The following CBX6 variants were observed in gnomAD, a reference collection of about 807,000 sequenced individuals.
The protein encoded by CBX6 is chromobox protein homolog 6.
CBX6 carries 7 observed loss-of-function variants against 28.4 expected under a neutral mutation model. The ratio of observed to expected loss-of-function variants is 0.25; its 90% CI spans 0.14 to 0.46. CBX6 has a LOEUF of 0.46. CBX6 is among the 20% of genes least tolerant of loss of function. The pLI, the probability that CBX6 is intolerant of heterozygous loss-of-function variation, is 0.99. For missense variants in CBX6, 512 were observed against 606.1 expected (o/e 0.84, Z 1.63); for synonymous variants, 297 against 273.4 (o/e 1.09, Z -0.85).
Position 38,866,187 on chromosome 22 carries a change from C to T in CBX6, c.*22G>A, listed in dbSNP as rs1004465580. On this transcript the variant is annotated 3_prime_UTR_variant, in exon 5 of 5. Transcript: ENST00000407418. This position sits in a 1 kb window ranked among gnomAD's most constrained non-coding sequence, Gnocchi z 7.5. ...TTCGGGCAGGAGGGCCCCCCCAAGC[C>T]CCCCTCCTTGGTGGAGCCCCCTCAC... 1.3e-6 allele frequency: 2 copies of T among 1,534,952 alleles called. No homozygotes were observed. Among genetic ancestry groups the T allele is most frequent in the Non-Finnish European group, 1.8e-6 (2 of 1,124,074 alleles).
In CBX6 at chr22:38,866,543, G is replaced by A; in HGVS notation, c.905C>T (p.Pro302Leu). The part of the protein sequence containing the change: ...PPKLLPETVS[P>L]SAPSWREPEV... ...CGGCTCGCGCCAGCTGGGGGCGGAT[G>A]GGCTCACGGTCTCGGGGAGGAGCTT... The change falls in exon 5 of 5, where the codon CCA (proline) becomes CTA (leucine). Residue 302 changes from proline to leucine, a missense_variant. Around this residue, in one of 7 missense-constraint regions of CBX6, gnomAD observed 290 missense variants for 274.1 expected, o/e 1.06. Coordinates refer to ENST00000407418, the MANE Select transcript of CBX6 (RefSeq NM_014292.5). The surrounding 1 kb of genome is among the most constrained non-coding windows in gnomAD (Gnocchi z 7.5). 6.3e-7 allele frequency: 1 copy of A among 1,580,176 alleles called. No homozygotes were observed. Among genetic ancestry groups the A allele is most frequent in the South Asian group, 1.1e-5 (1 of 89,144 alleles).
At position 38,866,088 on chromosome 22, in the gene CBX6, C is replaced by G; in HGVS notation, c.*121G>C. 2 of 811,268 alleles carry G rather than the reference C, an allele frequency of 2.5e-6. No homozygotes were observed. Among genetic ancestry groups the G allele is most frequent in the Non-Finnish European group, 3.8e-6 (2 of 525,382 alleles). 50.3% of individuals were successfully genotyped at this position (811,268 alleles called of 1,614,324 possible). On this transcript the variant is annotated 3_prime_UTR_variant, in exon 5 of 5. Transcript: ENST00000407418. The surrounding 1 kb of genome is among the most constrained non-coding windows in gnomAD (Gnocchi z 7.5). ...CCCAGCCCCATCCCTGGGTCAACAC[C>G]GAGCCATTTGAGACAAGCAAAGCAC...
intron 4 of CBX6, chr22:38,869,623 G>A (rs1337255925): frequency 6.6e-6 from 1 of 152,138 alleles, no homozygotes; most frequent in Non-Finnish European, 1.5e-5. Flanking sequence ...TTTGAAAGTG[G>A]GACCTGGGTC....
rs1281357169 is a variant in CBX6 at position 38,866,341 on chromosome 22, G to A, written c.1107C>T (p.Val369=). Residue 369 remains valine (V), a synonymous_variant, in exon 5 of 5, where the codon GTC becomes GTT. Coordinates refer to ENST00000407418, the MANE Select transcript of CBX6 (RefSeq NM_014292.5). The surrounding 1 kb of genome is among the most constrained non-coding windows in gnomAD (Gnocchi z 7.5). ...RPEMSPCSNV[V]VTDVTSNLLT... is the part of the protein sequence containing the mutation. ...GGAGGTTGCTGGTGACATCGGTGAC[G>A]ACCACATTGGAGCAGGGTGACATCT... The A allele has an allele frequency of 3.1e-6, 5 of 1,613,780 alleles. No individual in the cohort carries two copies. In the African/African-American group the frequency reaches 4.0e-5, roughly 13 times the overall value.
Position 38,867,004 on chromosome 22 carries a change from C to T in CBX6, c.444G>A (p.Pro148=), listed in dbSNP as rs1351422537. The T allele has an allele frequency of 6.2e-7, 1 of 1,606,492 alleles. No homozygotes were observed. The highest frequency in any genetic ancestry group is 8.5e-7 in the Non-Finnish European group (1 of 1,177,760). The part of the protein sequence containing the change: ...DPQGGSPGLR[P]PISPFSETVR... ...CCGTCTCCGAGAAGGGCGAAATGGG[C>T]GGGCGCAGTCCGGGGCTGCCCCCCT... Residue 148 remains proline (P), a synonymous_variant, in exon 5 of 5, where the codon CCG becomes CCA. Transcript: ENST00000407418.
chr22:38,869,090 A>G (rs762861951), intron 4 of CBX6, among the ~76,000 whole-genome samples: 35 of 152,210 alleles, frequency 2.3e-4, no homozygotes, highest in Non-Finnish European at 7.4e-5. Flanking sequence ...CCCAGCTCCC[A>G]GGGATTGGGC....
chr22:38,866,787 G>A lies in CBX6; in HGVS notation c.661C>T (p.Arg221Cys). 6.2e-7 allele frequency: 1 copy of A among 1,612,572 alleles called. No homozygotes were observed. The highest frequency in any genetic ancestry group is 8.5e-7 in the Non-Finnish European group (1 of 1,179,438). The part of the protein sequence containing the change: ...KSKKFSESVL[R>C]TQIRHMKFGA... Reference sequence around the variant, plus strand: ...AACTTCATGTGGCGGATCTGTGTACGCAGGACGCTCTCGCTGAACTTCTTG... The same window carrying A: ...AACTTCATGTGGCGGATCTGTGTACACAGGACGCTCTCGCTGAACTTCTTG... The change falls in exon 5 of 5, where the codon CGT (arginine) becomes TGT (cysteine). Residue 221 changes from arginine to cysteine, a missense_variant. Physicochemically the swap from Arg to Cys is radical, Grantham distance 180. This residue lies in a region of CBX6 where 290 missense variants were observed against 274.1 expected (regional missense o/e 1.06). Transcript: ENST00000407418. This position sits in a 1 kb window ranked among gnomAD's most constrained non-coding sequence, Gnocchi z 7.5.
Position 38,861,512 on chromosome 22 carries a change from C to G in CBX6, c.*4697G>C, listed in dbSNP as rs1054775535. 1 of 152,220 alleles carries G rather than the reference C, an allele frequency of 6.6e-6. No individual in the cohort carries two copies. The allele number at this position is 152,220 out of a possible 1,614,324, so 9.4% of individuals were successfully genotyped here. On this transcript the variant is annotated 3_prime_UTR_variant, in exon 5 of 5. Coordinates refer to ENST00000407418, the MANE Select transcript of CBX6 (RefSeq NM_014292.5). ...TTTGGGGGGTAAAAGAGGCTTTTCA[C>G]CCCCCTTTCCTGGCGTTGATACAAT... is the stretch of plus-strand genomic sequence containing the variant.
At position 38,866,169 on chromosome 22, in the gene CBX6, A is replaced by G. The variant is rs1185766050; in HGVS notation, c.*40T>C. 7.0e-7 allele frequency: 1 copy of G among 1,418,800 alleles called. No homozygotes were observed. The highest frequency in any genetic ancestry group is 9.7e-7 in the Non-Finnish European group (1 of 1,030,270). The allele number at this position is 1,418,800 out of a possible 1,614,324, so 87.9% of individuals were successfully genotyped here. The stretch of plus-strand genomic sequence containing the variant: ...TGGGAGCAAGAGTATGACTTCGGGC[A>G]GGAGGGCCCCCCCAAGCCCCCCTCC... On this transcript the variant is annotated 3_prime_UTR_variant, in exon 5 of 5. Transcript: ENST00000407418. This position sits in a 1 kb window ranked among gnomAD's most constrained non-coding sequence, Gnocchi z 7.5.
chr22:38,871,760 G>A lies in CBX6; in HGVS notation c.114-3C>T, dbSNP rs369275015. The A allele has an allele frequency of 2.0e-4, 327 of 1,608,416 alleles. No individual in the cohort carries two copies. The highest frequency in any genetic ancestry group is 5.9e-5 in the Non-Finnish European group (70 of 1,176,530). ...CCTCGGGCTCCCAAGTGCTGTACCT[G>A]CCGAGTCACAAACGCACAAAATCAG... On this transcript the variant is annotated splice_region_variant and splice_polypyrimidine_tract_variant and intron_variant, in intron 2 of 4. Transcript: ENST00000407418. This position sits in a 1 kb window ranked among gnomAD's most constrained non-coding sequence, Gnocchi z 5.6.
chr22:38,872,213 C>CCAT lies in CBX6; in HGVS notation c.-26_-24dup. On this transcript the variant is annotated 5_prime_UTR_variant, in exon 1 of 5. It adds an upstream start codon to the 5' untranslated region. Coordinates refer to ENST00000407418, the MANE Select transcript of CBX6 (RefSeq NM_014292.5). The surrounding 1 kb of genome is among the most constrained non-coding windows in gnomAD (Gnocchi z 5.0). Reference sequence around the variant, plus strand: ...CATCTTGCTCAGCGGCACCCACAGCCCATAATACTCCCTGCGCCCGCGGCC... The same window carrying CCAT: ...CATCTTGCTCAGCGGCACCCACAGCCCATCATAATACTCCCTGCGCCCGCGGCC... 1 of 1,345,224 alleles carries CCAT rather than the reference C, an allele frequency of 7.4e-7. No homozygotes were observed. Among genetic ancestry groups the CCAT allele is most frequent in the Non-Finnish European group, 9.7e-7 (1 of 1,027,972 alleles). 83.3% of individuals were successfully genotyped at this position (1,345,224 alleles called of 1,614,324 possible).
In CBX6 at chr22:38,864,542, G is replaced by C. The variant is rs1359223293; in HGVS notation, c.*1667C>G. 1 of 152,504 alleles carries C rather than the reference G, an allele frequency of 6.6e-6. No individual in the cohort carries two copies. Among genetic ancestry groups the C allele is most frequent in the Non-Finnish European group, 1.5e-5 (1 of 68,044 alleles). The allele number at this position is 152,504 out of a possible 1,614,324, so 9.4% of individuals were successfully genotyped here. A position where few individuals can be genotyped will look rare whatever the true frequency, so the allele number is the denominator to read the frequency against. On this transcript the variant is annotated 3_prime_UTR_variant, in exon 5 of 5. Coordinates refer to ENST00000407418, the MANE Select transcript of CBX6 (RefSeq NM_014292.5). The stretch of plus-strand genomic sequence containing the variant: ...ACAGGGCAGGGTAGGGAGGGGCCGA[G>C]GAGTATCAGCCCCCGCCCCAACCCT...
chr22:38,866,024 A>T lies in CBX6; in HGVS notation c.*185T>A. The T allele has an allele frequency of 3.3e-6, 2 of 601,052 alleles. No individual in the cohort carries two copies. Among genetic ancestry groups the T allele is most frequent in the Non-Finnish European group, 5.9e-6 (2 of 340,186 alleles). The allele number at this position is 601,052 out of a possible 1,614,324, so 37.2% of individuals were successfully genotyped here. The stretch of plus-strand genomic sequence containing the variant: ...GTGTGCCCTTCCCCTGCCCCATTCC[A>T]GGGTGGCCCCTACCCCCGGCTTTCT... On this transcript the variant is annotated 3_prime_UTR_variant, in exon 5 of 5. Transcript: ENST00000407418. This position sits in a 1 kb window ranked among gnomAD's most constrained non-coding sequence, Gnocchi z 7.5.
In CBX6 at chr22:38,861,904, G is replaced by A. The variant is rs1487199471; in HGVS notation, c.*4305C>T. ...TATATATGTATATTTTATATATATAGAATTCATTCGTGCACAATTCATTAA... is the reference window on the plus strand; with the variant it reads ...TATATATGTATATTTTATATATATAAAATTCATTCGTGCACAATTCATTAA... On this transcript the variant is annotated 3_prime_UTR_variant, in exon 5 of 5. Transcript: ENST00000407418. 1 of 152,188 alleles carries A rather than the reference G, an allele frequency of 6.6e-6. No individual in the cohort carries two copies. The highest frequency in any genetic ancestry group is 1.5e-5 in the Non-Finnish European group (1 of 68,042). 9.4% of individuals were successfully genotyped at this position (152,188 alleles called of 1,614,324 possible). A position where few individuals can be genotyped will look rare whatever the true frequency, so the allele number is the denominator to read the frequency against.
Position 38,867,335 on chromosome 22 carries a change from T to C in CBX6, c.247-134A>G, listed in dbSNP as rs2146214005. On this transcript the variant is annotated intron_variant, in intron 4 of 4. Transcript: ENST00000407418. ...AGATCATTTAAGATAATCACTGGTCTTCATGACCTCGACTTAGAAAAGGAA... is the reference window on the plus strand; with the variant it reads ...AGATCATTTAAGATAATCACTGGTCCTCATGACCTCGACTTAGAAAAGGAA... 3 of 781,310 alleles carry C rather than the reference T, an allele frequency of 3.8e-6. No individual in the cohort carries two copies. In the East Asian group the frequency reaches 8.3e-5, roughly 22 times the overall value. 48.4% of individuals were successfully genotyped at this position (781,310 alleles called of 1,614,324 possible).
Position 38,862,546 on chromosome 22 carries a change from GAAAGAAAGAAAAAAGAAAAACA to G in CBX6, c.*3641_*3662del, listed in dbSNP as rs1568992888. 5.8e-5 allele frequency: 5 copies of G among 85,508 alleles called. No homozygotes were observed. Among genetic ancestry groups the G allele is most frequent in the East Asian group, 7.7e-4 (2 of 2,584 alleles). 5.3% of individuals were successfully genotyped at this position (85,508 alleles called of 1,614,324 possible). A position where few individuals can be genotyped will look rare whatever the true frequency, so the allele number is the denominator to read the frequency against. ...AAAAAAAAAAAAAAAAAAAAAAAAAGAAAGAAAGAAAAAAGAAAAACAAAAGAAAAAAGAAAAACCACCACAA... is the reference window on the plus strand; with the variant it reads ...AAAAAAAAAAAAAAAAAAAAAAAAAGAAAGAAAAAAGAAAAACCACCACAA... On this transcript the variant is annotated 3_prime_UTR_variant, in exon 5 of 5. Coordinates refer to ENST00000407418, the MANE Select transcript of CBX6 (RefSeq NM_014292.5).
chr22:38,866,525 C>T lies in CBX6; in HGVS notation c.923G>A (p.Arg308His). 1 of 1,581,064 alleles carries T rather than the reference C, an allele frequency of 6.3e-7. No individual in the cohort carries two copies. The highest frequency in any genetic ancestry group is 8.5e-7 in the Non-Finnish European group (1 of 1,170,492). ...GGACAGGTCGAGCACCTCCGGCTCG[C>T]GCCAGCTGGGGGCGGATGGGCTCAC... Reference protein sequence around the residue: ...ETVSPSAPSWREPEVLDLSLP... With the variant: ...ETVSPSAPSWHEPEVLDLSLP... Residue 308 changes from arginine (R) to histidine (H), a missense_variant, in exon 5 of 5, where the codon CGC becomes CAC. This residue lies in a region of CBX6 where 290 missense variants were observed against 274.1 expected (regional missense o/e 1.06). Transcript: ENST00000407418. The surrounding 1 kb of genome is among the most constrained non-coding windows in gnomAD (Gnocchi z 7.5).
Position 38,872,201 on chromosome 22 carries a change from G to A in CBX6, c.-11C>T, listed in dbSNP as rs377030092. 1.4e-6 allele frequency: 2 copies of A among 1,387,184 alleles called. No individual in the cohort carries two copies. Among genetic ancestry groups the A allele is most frequent in the Non-Finnish European group, 1.9e-6 (2 of 1,050,592 alleles). The allele number at this position is 1,387,184 out of a possible 1,614,324, so 85.9% of individuals were successfully genotyped here. A position where few individuals can be genotyped will look rare whatever the true frequency, so the allele number is the denominator to read the frequency against. ...TGCAGACAGCTCCATCTTGCTCAGC[G>A]GCACCCACAGCCCATAATACTCCCT... On this transcript the variant is annotated 5_prime_UTR_variant, in exon 1 of 5. Coordinates refer to ENST00000407418, the MANE Select transcript of CBX6 (RefSeq NM_014292.5). The surrounding 1 kb of genome is among the most constrained non-coding windows in gnomAD (Gnocchi z 5.0).
chr22:38,871,324 TG>T lies in CBX6; in HGVS notation c.246+155del, dbSNP rs140963875. 4.0e-5 allele frequency: 28 copies of T among 693,182 alleles called. 1 individual carries two copies. The highest frequency in any genetic ancestry group is 1.6e-4 in the South Asian group (10 of 62,040). 42.9% of individuals were successfully genotyped at this position (693,182 alleles called of 1,614,324 possible). A position where few individuals can be genotyped will look rare whatever the true frequency, so the allele number is the denominator to read the frequency against. ...GCTGAGGCCTGCCATCAGGGGCTTC[TG>T]GGGGGGCTCACAACCACCCCCTGCC... On this transcript the variant is annotated intron_variant, in intron 4 of 4. Coordinates refer to ENST00000407418, the MANE Select transcript of CBX6 (RefSeq NM_014292.5). The surrounding 1 kb of genome is among the most constrained non-coding windows in gnomAD (Gnocchi z 5.6).
Sources: allele counts gnomAD v4.1 joint callset (sites outside exome capture counted in the v4.1 genomes callset), GRCh38; gene constraint gnomAD v4.1.1; regional missense constraint gnomAD v4.1.1; non-coding constraint Gnocchi (gnomAD v3.1); transcripts MANE v1.5; gene names NCBI Gene and HGNC (gene_info 2026-07-23, HGNC 2026-07-21).